Variants in TMEM117 observed in about 807,000 individuals in gnomAD.
The protein encoded by TMEM117 is transmembrane protein 117.
A neutral mutation model predicts 52.4 loss-of-function variants in TMEM117; 27 were observed. The observed-to-expected ratio is 0.51, with a 90% CI of 0.38 to 0.71. The LOEUF (loss-of-function observed/expected upper bound fraction) is 0.71. TMEM117 is among the 30% of genes least tolerant of loss of function. TMEM117 has a pLI of 0.00. For missense variants in TMEM117, 556 were observed against 630.5 expected (o/e 0.88, Z 1.26); for synonymous variants, 215 against 206.3 (o/e 1.04, Z -0.36).
chr12:43,816,088 A>T, the TMEM117 span, among the ~76,000 whole-genome samples: 1 of 152,114 alleles, frequency 6.6e-6, no homozygotes, highest in Non-Finnish European at 1.5e-5. Context: ...TTTGTGCACA[A>T]ATTGTAAGGG....
intron 4 of TMEM117, among the ~76,000 whole-genome samples, chr12:44,198,102 T>C (rs1484102265): frequency 6.6e-6 from 1 of 152,186 alleles, no homozygotes; most frequent in East Asian, 1.9e-4. Context: ...TGTTCCTCAG[T>C]GAGTATGCAT....
chr12:43,992,363 G>C (rs1057488562), intron 3 of TMEM117, among the ~76,000 whole-genome samples: 1 of 151,878 alleles, frequency 6.6e-6, no homozygotes, highest in African/African-American at 2.4e-5. Flanking sequence ...CCATTTCCCA[G>C]GCTCAAGTGA....
At chr12:43,834,692 T>C (rs191929268), upstream of TMEM117, among the ~76,000 whole-genome samples, 1 of 152,354 alleles carries the variant, frequency 6.6e-6, no homozygotes, top group Admixed American at 6.5e-5. Flanking sequence ...ATTTCGGTTC[T>C]GATGAACTGA....
chr12:44,339,023 A>G (rs1035918223), intron 6 of TMEM117, among the ~76,000 whole-genome samples: 2 of 152,118 alleles, frequency 1.3e-5, no homozygotes, highest in African/African-American at 4.8e-5. Flanking sequence ...TATTGGCTCT[A>G]TGACCACACC....
intron 4 of TMEM117, among the ~76,000 whole-genome samples, chr12:44,180,147 C>T (rs1168947431): frequency 1.3e-5 from 2 of 152,076 alleles, no homozygotes; most frequent in Admixed American, 6.6e-5. Flanking sequence ...GACTGGGCAG[C>T]CAGTTCCCAG....
At chr12:43,806,172 C>T in the TMEM117 span, 4 of 1,537,254 alleles carry the variant, frequency 2.6e-6, no homozygotes, top group South Asian at 3.6e-5. Flanking sequence ...CCGGCTCTCC[C>T]GGCTCTCCCG....
intron 6 of TMEM117, among the ~76,000 whole-genome samples, chr12:44,352,866 G>A (rs746292002): frequency 1.3e-5 from 2 of 152,006 alleles, no homozygotes; most frequent in Non-Finnish European, 1.5e-5. Flanking sequence ...CTGAGGAATC[G>A]CCACACTGTC....
chr12:44,140,700 T>C (rs1359526993), intron 3 of TMEM117, among the ~76,000 whole-genome samples: 1 of 152,118 alleles, frequency 6.6e-6, no homozygotes, highest in Non-Finnish European at 1.5e-5. Flanking sequence ...TCAAATGGCC[T>C]GGGTAAGGGC....
At chr12:43,919,762 G>A (rs1944661666) in intron 2 of TMEM117, among the ~76,000 whole-genome samples, 1 of 151,622 alleles carries the variant, frequency 6.6e-6, no homozygotes, top group Admixed American at 6.6e-5. Flanking sequence ...CATCAGTAGT[G>A]TGTAAGGATT....
chr12:43,950,809 A>G (rs906769975), intron 3 of TMEM117, among the ~76,000 whole-genome samples: 1 of 152,164 alleles, frequency 6.6e-6, no homozygotes, highest in South Asian at 2.1e-4. Flanking sequence ...AAATTCTACT[A>G]TCAGTTTAAT....
chr12:43,942,944 C>T (rs925520139), intron 2 of TMEM117, among the ~76,000 whole-genome samples: 2 of 151,520 alleles, frequency 1.3e-5, no homozygotes, highest in African/African-American at 2.4e-5. Flanking sequence ...TTTGGGAGGC[C>T]GAGGAGGGCA....
chr12:44,045,536 C>G (rs1437632068), intron 3 of TMEM117, among the ~76,000 whole-genome samples: 1 of 152,158 alleles, frequency 6.6e-6, no homozygotes, highest in African/African-American at 2.4e-5. Context: ...AAGGTACTCA[C>G]TTTACGGCTA....
intron 5 of TMEM117, among the ~76,000 whole-genome samples, chr12:44,298,307 G>A (rs971219578): frequency 6.6e-6 from 1 of 150,538 alleles, no homozygotes; most frequent in African/African-American, 2.5e-5. Flanking sequence ...TTGCCAAAAC[G>A]GATATGTGTT....
intron 5 of TMEM117, among the ~76,000 whole-genome samples, chr12:44,247,801 G>A (rs1436494110): frequency 2.6e-5 from 4 of 152,218 alleles, no homozygotes; most frequent in South Asian, 2.1e-4. Flanking sequence ...TGGACCAGTC[G>A]TTGAAGAGGT....
rs938761187 is a variant in TMEM117, at chr12:44,063,620, CCCCCA to C, written c.411-79898_411-79894del. On this transcript the variant is annotated intron_variant, in intron 3 of 7. Coordinates refer to ENST00000266534, the MANE Select transcript of TMEM117 (RefSeq NM_032256.3). ...CTCCTAATGCTATCCCTCCCGCCTC[CCCCCA>C]CCCCACAACAGCCCCCGGTGTGTGA... is the stretch of plus-strand genomic sequence containing the variant. Among the ~76,000 whole-genome samples the C allele has an allele frequency of 3.3e-4, 48 of 147,540 alleles. 2 individuals are homozygous for C. Among genetic ancestry groups the C allele is most frequent in the African/African-American group, 1.1e-3 (45 of 39,692 alleles).
chr12:43,927,145 TG>T (rs1377689887), intron 2 of TMEM117, among the ~76,000 whole-genome samples: 1 of 152,014 alleles, frequency 6.6e-6, no homozygotes, highest in African/African-American at 2.4e-5. Context: ...TTGGGATTTT[TG>T]TTTTATTCAT....
chr12:43,836,089 C>T lies in TMEM117; in HGVS notation c.-136C>T, dbSNP rs1005652287. 6.6e-6 allele frequency: 1 copy of T among 151,800 alleles called. No individual in the cohort carries two copies. The highest frequency in any genetic ancestry group is 2.4e-5 in the African/African-American group (1 of 41,392). 9.4% of individuals were successfully genotyped at this position (151,800 alleles called of 1,614,324 possible). ...GTGACAGCAGCAGCGGCAGCGACGC[C>T]GCCGGCCCGTCTCGCCGCGCTTCCC... is the stretch of plus-strand genomic sequence containing the variant. On this transcript the variant is annotated 5_prime_UTR_variant, in exon 1 of 8. Coordinates refer to ENST00000266534, the MANE Select transcript of TMEM117 (RefSeq NM_032256.3).
At chr12:44,315,726 T>C (rs1951045569) in intron 6 of TMEM117, among the ~76,000 whole-genome samples, 1 of 152,194 alleles carries the variant, frequency 6.6e-6, no homozygotes, top group South Asian at 2.1e-4. Flanking sequence ...GTATTATTAA[T>C]GTGGGTGCTC....
At chr12:43,916,800 C>A (rs1053235444) in intron 2 of TMEM117, among the ~76,000 whole-genome samples, 9 of 152,132 alleles carry the variant, frequency 5.9e-5, no homozygotes, top group African/African-American at 2.2e-4. Flanking sequence ...AAGGGCTAAA[C>A]ATAAGCCAGG....
Sources: allele counts gnomAD v4.1 joint callset (sites outside exome capture counted in the v4.1 genomes callset), GRCh38; gene constraint gnomAD v4.1.1; transcripts MANE v1.5; gene names NCBI Gene and HGNC (gene_info 2026-07-23, HGNC 2026-07-21).